The following DCDC1 variants were observed in gnomAD, a reference collection of about 807,000 sequenced individuals.
DCDC1 encodes doublecortin domain containing 1.
DCDC1 carries 200 observed loss-of-function variants against 178.3 expected under a neutral mutation model. The ratio of observed to expected loss-of-function variants is 1.12; its 90% confidence interval spans 1.00 to 1.26. The LOEUF (loss-of-function observed/expected upper bound fraction) is 1.26, where lower values mean the gene tolerates loss of function less well. DCDC1 is among the 50% of genes most tolerant of loss of function. The pLI, the probability that DCDC1 is intolerant of heterozygous loss-of-function variation, is 0.00. For synonymous variants in DCDC1, 690 were observed against 604.8 expected (o/e 1.14, Z -2.07); for missense variants, 1,983 against 1,749.2 (o/e 1.13, Z -2.38).
chr11:31,172,393 T>C (rs1395592257), intron 9 of DCDC1, among the ~76,000 whole-genome samples: 1 of 152,152 alleles, frequency 6.6e-6, no homozygotes, highest in East Asian at 1.9e-4. Context: ...ATTTTTTAAT[T>C]GATGAGATTA....
At chr11:31,243,316 TG>T (rs1347954243) in intron 8 of DCDC1, among the ~76,000 whole-genome samples, 1 of 151,808 alleles carries the variant, frequency 6.6e-6, no homozygotes, top group Admixed American at 6.6e-5. Context: ...TATATTACTA[TG>T]TGTTAGATTT....
intron 9 of DCDC1, among the ~76,000 whole-genome samples, chr11:31,160,331 T>C (rs1250859503): frequency 6.6e-6 from 1 of 152,214 alleles, no homozygotes; most frequent in Admixed American, 6.5e-5. Flanking sequence ...AGTTATGATA[T>C]TACTTGATTT....
At chr11:31,037,960 C>T (rs1040789775) in intron 20 of DCDC1, among the ~76,000 whole-genome samples, 1 of 151,190 alleles carries the variant, frequency 6.6e-6, no homozygotes, top group Non-Finnish European at 1.5e-5. Context: ...TTGTTCAATT[C>T]CCACCTATGA....
At chr11:31,001,626 G>A (rs1313002120) in intron 20 of DCDC1, among the ~76,000 whole-genome samples, 1 of 152,156 alleles carries the variant, frequency 6.6e-6, no homozygotes, top group African/African-American at 2.4e-5. Flanking sequence ...CTACACACTG[G>A]CTTAGAAAAC....
At chr11:31,096,919 G>A (rs1365748605) in intron 15 of DCDC1, among the ~76,000 whole-genome samples, 8 of 152,220 alleles carry the variant, frequency 5.3e-5, no homozygotes, top group Admixed American at 4.6e-4. Flanking sequence ...GTATGTGTGT[G>A]TGTGTGTGTG....
chr11:31,361,645 T>TA (rs1438436306), intron 1 of DCDC1, among the ~76,000 whole-genome samples: 1 of 152,136 alleles, frequency 6.6e-6, no homozygotes, highest in African/African-American at 2.4e-5. Flanking sequence ...CACACCCGGC[T>TA]AATTTTTGTA....
intron 9 of DCDC1, among the ~76,000 whole-genome samples, chr11:31,196,157 C>T (rs934963081): frequency 2.0e-5 from 3 of 151,962 alleles, no homozygotes; most frequent in African/African-American, 7.3e-5. Flanking sequence ...CATCTTATTC[C>T]ATTCACCCTC....
At chr11:31,192,518 T>A (rs552282116) in intron 9 of DCDC1, among the ~76,000 whole-genome samples, 1 of 152,224 alleles carries the variant, frequency 6.6e-6, no homozygotes, top group South Asian at 2.1e-4. Flanking sequence ...CAGAGTTCCC[T>A]CTCACCTTCC....
intron 20 of DCDC1, among the ~76,000 whole-genome samples, chr11:30,954,189 G>C (rs1489623178): frequency 2.6e-5 from 4 of 151,358 alleles, no homozygotes; most frequent in Non-Finnish European, 5.9e-5. Flanking sequence ...CTATTTTTTT[G>C]TATTTTTAGT....
intron 20 of DCDC1, among the ~76,000 whole-genome samples, chr11:30,977,394 T>C (rs1195351674): frequency 1.3e-5 from 2 of 152,226 alleles, no homozygotes; most frequent in Non-Finnish European, 2.9e-5. Flanking sequence ...ACACTCTGAC[T>C]TGATCATTAC....
intron 9 of DCDC1, among the ~76,000 whole-genome samples, chr11:31,213,114 T>TCTCTCTCTCC (rs1972888494): frequency 3.1e-5 from 2 of 63,888 alleles, no homozygotes; most frequent in Non-Finnish European, 6.6e-5. Context: ...TCTCTCTCTC[T>TCTCTCTCTCC]CTCTCTCTCT....
rs1326875896 is a variant in DCDC1, at chr11:31,294,356, T to C, written c.755-3504A>G. On this transcript the variant is annotated intron_variant, in intron 6 of 38. Transcript: ENST00000684477. ...CAGCACTTCGGGTGGCCGAGGCAGT[T>C]GGATCACCCAGGGTCAGGAGTTCAA... is the stretch of plus-strand genomic sequence containing the variant. Among the ~76,000 whole-genome samples, 10 of 151,712 alleles carry C rather than the reference T, an allele frequency of 6.6e-5. 1 individual carries two copies. In the South Asian group the frequency reaches 1.0e-3, roughly 16 times the overall value.
chr11:31,045,327 C>T (rs778166484), intron 20 of DCDC1, among the ~76,000 whole-genome samples: 4 of 151,742 alleles, frequency 2.6e-5, no homozygotes, highest in African/African-American at 7.3e-5. Context: ...TTACACGTGA[C>T]GGAGGGCAAA....
At chr11:31,240,107 CA>C in intron 9 of DCDC1, among the ~76,000 whole-genome samples, 1 of 151,658 alleles carries the variant, frequency 6.6e-6, no homozygotes, top group Admixed American at 6.6e-5. Flanking sequence ...TTTTAAATTT[CA>C]ATAAGTGGAA....
chr11:31,208,754 G>A (rs1454074569), intron 9 of DCDC1, among the ~76,000 whole-genome samples: 1 of 152,090 alleles, frequency 6.6e-6, no homozygotes, highest in Non-Finnish European at 1.5e-5. Context: ...CAGGGCCTTT[G>A]CAATTGCTTT....
At chr11:31,118,463 A>C (rs79797378) in intron 11 of DCDC1, among the ~76,000 whole-genome samples, 1,756 of 152,260 alleles carry the variant, frequency 0.012, 35 homozygotes, top group African/African-American at 0.039. Context: ...GCATTCATTT[A>C]TGTTCAAATG....
chr11:31,180,103 C>A (rs906645802), intron 9 of DCDC1, among the ~76,000 whole-genome samples: 18 of 152,236 alleles, frequency 1.2e-4, no homozygotes, highest in Admixed American at 3.9e-4. Flanking sequence ...AAACTCCCAA[C>A]AAACTTAGAC....
At chr11:31,246,200 A>G (rs1262009266) in intron 8 of DCDC1, among the ~76,000 whole-genome samples, 2 of 152,162 alleles carry the variant, frequency 1.3e-5, no homozygotes, top group East Asian at 1.9e-4. Context: ...ACTTGCTTAC[A>G]ATAAAAAATT....
chr11:30,914,285 C>G (rs920768188), intron 27 of DCDC1, among the ~76,000 whole-genome samples: 1 of 152,210 alleles, frequency 6.6e-6, no homozygotes, highest in Non-Finnish European at 1.5e-5. Context: ...TTCTCCTTGC[C>G]GGAGGCTTTG....
Sources: gnomAD v4.1 joint callset for allele counts (sites outside exome capture counted in the v4.1 genomes callset) on GRCh38, gnomAD v4.1.1 for gene constraint, MANE v1.5 for transcripts, NCBI Gene and HGNC (gene_info 2026-07-23, HGNC 2026-07-21) for gene names.